Variants in GHRHR observed in about 807,000 individuals in gnomAD.
The protein encoded by GHRHR is growth hormone releasing hormone receptor.
A neutral mutation model predicts 58.3 loss-of-function variants in GHRHR; 40 were observed. The observed-to-expected ratio is 0.69, with a 90% confidence interval of 0.53 to 0.89. The LOEUF (loss-of-function observed/expected upper bound fraction) is 0.89, where lower values mean the gene tolerates loss of function less well. GHRHR is among the 40% of genes least tolerant of loss of function. GHRHR has a pLI of 0.00. For missense variants in GHRHR, 551 were observed against 541.3 expected, an observed-to-expected ratio of 1.02 and a Z score of -0.18; for synonymous variants, 249 against 216.6, an observed-to-expected ratio of 1.15 and a Z score of -1.31.
intron 12 of GHRHR, among the ~76,000 whole-genome samples, 187 bp downstream of exon 12, chr7:30,977,509 T>A (rs1792613861): frequency 6.6e-6 from 1 of 152,216 alleles, no homozygotes; most frequent in Non-Finnish European, 1.5e-5. Flanking sequence ...TGTAAACATC[T>A]CTTATCCATC....
chr7:30,964,381 C>G (rs986470333), intron 1 of GHRHR, among the ~76,000 whole-genome samples: 2 of 134,778 alleles, frequency 1.5e-5, no homozygotes, highest in Non-Finnish European at 3.1e-5. Flanking sequence ...GCTGAGCTCA[C>G]CTTCTTGTTG....
At position 30,969,855 on chromosome 7, in the gene GHRHR, C is replaced by T. The variant is rs1229383634; in HGVS notation, c.269-12C>T. The T allele has an allele frequency of 8.7e-6, 14 of 1,613,536 alleles. No individual in the cohort carries two copies. The highest frequency in any genetic ancestry group is 9.3e-6 in the Non-Finnish European group (11 of 1,179,406). The stretch of plus-strand genomic sequence containing the variant: ...AAGGAGTTGTGGCTAGAGAGTCTTG[C>T]TTGCCTCCCAGGGGCTGTGAAACGG... On this transcript the variant is annotated splice_polypyrimidine_tract_variant and intron_variant, in intron 3 of 12. Coordinates refer to ENST00000326139, the MANE Select transcript of GHRHR (RefSeq NM_000823.4).
intron 4 of GHRHR, 66 bp downstream of exon 4, chr7:30,970,030 T>C: frequency 2.5e-6 from 2 of 794,358 alleles, no homozygotes; most frequent in East Asian, 2.4e-5. Flanking sequence ...GGTGCACAAC[T>C]GTAGGGGCCG....
At chr7:30,969,808 C>T (rs767655340) in intron 3 of GHRHR, 59 bp from the exon 4 acceptor site, 2 of 1,577,256 alleles carry the variant, frequency 1.3e-6, no homozygotes, top group South Asian at 2.2e-5. Context: ...CTGGCACCCC[C>T]AGCCCCCTCC....
chr7:30,975,507 G>A (rs1286074288), intron 9 of GHRHR, among the ~76,000 whole-genome samples: 3 of 152,188 alleles, frequency 2.0e-5, no homozygotes, highest in African/African-American at 7.2e-5. Flanking sequence ...AAGAGCCTGG[G>A]AGGTGGCTGG....
In GHRHR at chr7:30,971,223, C is replaced by T; in HGVS notation, c.464+7C>T. The T allele has an allele frequency of 7.9e-7, 1 of 1,266,898 alleles. No individual in the cohort carries two copies. The highest frequency in any genetic ancestry group is 1.1e-6 in the Non-Finnish European group (1 of 885,518). The allele number at this position is 1,266,898 out of a possible 1,614,324, so 78.5% of individuals were successfully genotyped here. A position where few individuals can be genotyped will look rare whatever the true frequency, so the allele number is the denominator to read the frequency against. The stretch of plus-strand genomic sequence containing the variant: ...CCATCCTGGTTGCTCTCAGGTTTGT[C>T]ATCCTCATCACCAGCTCAAGAACCT... On this transcript the variant is annotated splice_region_variant and intron_variant, in intron 5 of 12. Transcript: ENST00000326139.
At chr7:30,971,050 G>T in intron 4 of GHRHR, 69 bp from the exon 5 acceptor site, 6 of 754,656 alleles carry the variant, frequency 8.0e-6, no homozygotes, top group Non-Finnish European at 1.4e-5. Flanking sequence ...TCACCTGCTT[G>T]ATTGTCAAGC....
At chr7:30,965,362 G>A (rs1219397570) in intron 1 of GHRHR, among the ~76,000 whole-genome samples, 1 of 152,198 alleles carries the variant, frequency 6.6e-6, no homozygotes, top group Non-Finnish European at 1.5e-5. Flanking sequence ...TAGATGCAAG[G>A]CCTGGGGGTC....
Position 30,974,474 on chromosome 7 carries a change from C to G in GHRHR, c.797C>G (p.Ala266Gly), listed in dbSNP as rs1349828602. The change falls in exon 8 of 13, where the codon GCC becomes GGC. Residue 266 changes from alanine to glycine, a missense_variant. By Grantham distance (60) the Ala-to-Gly change is moderately conservative (BLOSUM62 0). Transcript: ENST00000326139. ...GGCACGTGGGTGAGCTGCAAACTGG[C>G]CTTCGAGGACATCGCGTGAGTCGGA... ...FTGTWVSCKL[A>G]FEDIACWDLD... 6.2e-7 allele frequency: 1 copy of G among 1,612,160 alleles called. No homozygotes were observed. Among genetic ancestry groups the G allele is most frequent in the Non-Finnish European group, 8.5e-7 (1 of 1,178,156 alleles).
Position 30,969,918 on chromosome 7 carries a change from C to T in GHRHR, c.320C>T (p.Pro107Leu). 6.3e-7 allele frequency: 1 copy of T among 1,581,810 alleles called. No individual in the cohort carries two copies. Among genetic ancestry groups the T allele is most frequent in the Middle Eastern group, 1.7e-4 (1 of 6,002 alleles). Residue 107 changes from proline (P) to leucine (L), a missense_variant, in exon 4 of 13, where the codon CCT (proline) becomes CTT (leucine). Pro to Leu is a moderately conservative substitution (Grantham distance 98). Coordinates refer to ENST00000326139, the MANE Select transcript of GHRHR (RefSeq NM_000823.4). ...ACTGGCTGGTCTGAGCCCTTTCCAC[C>T]TTACCCTGTGGCCTGCCCTGTGCCT... ...TITGWSEPFP[P>L]YPVACPVPLE...
rs1011235926 is a variant in GHRHR at position 30,971,146 on chromosome 7, A to G, written c.394A>G (p.Ile132Val). ...ATCTTACTTCTCCACAGTGAAGATT[A>G]TCTACACCGTGGGCCATAGCATCTC... ...EESYFSTVKI[I>V]YTVGHSISIV... The change falls in exon 5 of 13, where the codon ATC becomes GTC. Residue 132 changes from isoleucine (I) to valine (V), a missense_variant. By Grantham distance (29) the Ile-to-Val change is conservative. Transcript: ENST00000326139. 2.6e-6 allele frequency: 4 copies of G among 1,509,932 alleles called. No individual in the cohort carries two copies. The highest frequency in any genetic ancestry group is 1.9e-5 in the Admixed American group (1 of 51,516). 93.5% of individuals were successfully genotyped at this position (1,509,932 alleles called of 1,614,324 possible). A position where few individuals can be genotyped will look rare whatever the true frequency, so the allele number is the denominator to read the frequency against.
At chr7:30,979,044 C>T in intron 12 of GHRHR, 75 bp from the exon 13 acceptor site, 1 of 1,398,836 alleles carries the variant, frequency 7.1e-7, no homozygotes, top group East Asian at 2.3e-5. Context: ...CCTCTCCCTG[C>T]ACCTTAGTCT....
chr7:30,978,293 G>C (rs1199583692), intron 12 of GHRHR, among the ~76,000 whole-genome samples: 1 of 152,130 alleles, frequency 6.6e-6, no homozygotes, highest in Non-Finnish European at 1.5e-5. Context: ...GGTCCTGGGA[G>C]GGGCAAGAAG....
chr7:30,971,238 C>A, intron 5 of GHRHR, 22 bp downstream of exon 5: 1 of 1,024,358 alleles, frequency 9.8e-7, no homozygotes, highest in Non-Finnish European at 1.5e-6. Context: ...TCATCACCAG[C>A]TCAAGAACCT....
In GHRHR at chr7:30,975,847, T is replaced by C; in HGVS notation, c.953T>C (p.Leu318Pro). The change falls in exon 10 of 13, where the codon CTC (leucine) becomes CCC (proline). Residue 318 changes from leucine (L) to proline (P), a missense_variant. Physicochemically the swap from Leu to Pro is moderately conservative, Grantham distance 98. Coordinates refer to ENST00000326139, the MANE Select transcript of GHRHR (RefSeq NM_000823.4). ...VRKLEPAQGS[L>P]HTQSQYWRLS... ...AAACTGGAGCCAGCTCAGGGCAGCC[T>C]CCATACCCAGTCTCAGTATTGGTAC... 1.2e-6 allele frequency: 2 copies of C among 1,603,236 alleles called. No homozygotes were observed. The highest frequency in any genetic ancestry group is 1.7e-6 in the Non-Finnish European group (2 of 1,170,076).
intron 1 of GHRHR, among the ~76,000 whole-genome samples, chr7:30,965,724 T>A (rs576376347): frequency 6.6e-6 from 1 of 152,194 alleles, no homozygotes; most frequent in East Asian, 1.9e-4. Flanking sequence ...CAGGCAGGGT[T>A]GGGGCTTGCC....
intron 4 of GHRHR, chr7:30,970,910 T>C: frequency 1.6e-6 from 1 of 634,806 alleles, no homozygotes; most frequent in Admixed American, 2.2e-5. Flanking sequence ...CCACTACCCC[T>C]CCCTCACCCG....
At position 30,976,435 on chromosome 7, in the gene GHRHR, C is replaced by T; in HGVS notation, c.981C>T (p.Leu327=). The T allele has an allele frequency of 6.2e-7, 1 of 1,613,618 alleles. No homozygotes were observed. Among genetic ancestry groups the T allele is most frequent in the Non-Finnish European group, 8.5e-7 (1 of 1,179,678 alleles). ...GGATTTGTCTTTCCTGCAGGCGTCTCTCCAAGTCGACACTTTTCCTGATCC... is the reference window on the plus strand; with the variant it reads ...GGATTTGTCTTTCCTGCAGGCGTCTTTCCAAGTCGACACTTTTCCTGATCC... ...SLHTQSQYWR[L]SKSTLFLIPL... Residue 327 remains leucine, a synonymous_variant, in exon 11 of 13, where the codon CTC becomes CTT. Coordinates refer to ENST00000326139, the MANE Select transcript of GHRHR (RefSeq NM_000823.4).
intron 10 of GHRHR, among the ~76,000 whole-genome samples, chr7:30,976,150 T>G (rs1792580582): frequency 6.6e-6 from 1 of 152,086 alleles, no homozygotes; most frequent in Non-Finnish European, 1.5e-5. Context: ...AAGGGTGGTG[T>G]GGTCAAGGAA....
Sources: gnomAD v4.1 joint callset for allele counts (sites outside exome capture counted in the v4.1 genomes callset) on GRCh38, gnomAD v4.1.1 for gene constraint, MANE v1.5 for transcripts, NCBI Gene and HGNC (gene_info 2026-07-23, HGNC 2026-07-21) for gene names.